DCBLD2: variants seen among roughly 807,000 people sequenced by gnomAD.
The protein encoded by DCBLD2 is discoidin, CUB and LCCL domain-containing protein 2.
Under a neutral mutation model 86.8 loss-of-function variants are expected in DCBLD2, and 54 were observed. That is an observed-to-expected ratio of 0.62 (90% CI 0.50 to 0.78). The LOEUF (loss-of-function observed/expected upper bound fraction) is 0.78. DCBLD2 is among the 30% of genes least tolerant of loss of function. The probability of loss-of-function intolerance (pLI) is 0.00; values close to 1 mark genes in which losing one functional copy is unlikely to be tolerated. For synonymous variants in DCBLD2, 354 were observed against 341.3 expected, an observed-to-expected ratio of 1.04 and a Z score of -0.41; for missense variants, 908 against 954.2, an observed-to-expected ratio of 0.95 and a Z score of 0.64.
chr3:98,814,172 C>T (rs562088586), intron 9 of DCBLD2: 3 of 152,162 alleles, frequency 2.0e-5, no homozygotes, highest in East Asian at 3.9e-4. Flanking sequence ...CTATAAATCT[C>T]GAAAGATGTG....
Position 98,811,496 on chromosome 3 carries a change from G to A in DCBLD2, c.1422C>T (p.Asn474=). Residue 474 remains asparagine, a synonymous_variant, in exon 11 of 16, where the codon AAC becomes AAT. Coordinates refer to ENST00000326840, the MANE Select transcript of DCBLD2 (RefSeq NM_080927.4). ...TGGCTATTTTTGGAGGGGCTGTAGT[G>A]TTTTTGAGGTCATTGCTGTTCCGAG... is the stretch of plus-strand genomic sequence containing the variant. The part of the protein sequence containing the change: ...PPPRNSNDLK[N]TTAPPKIAKG... 6.2e-7 allele frequency: 1 copy of A among 1,613,344 alleles called. No homozygotes were observed. The highest frequency in any genetic ancestry group is 8.5e-7 in the Non-Finnish European group (1 of 1,179,594).
chr3:98,866,301 G>C (rs558201647), intron 2 of DCBLD2, among the ~76,000 whole-genome samples: 2 of 152,236 alleles, frequency 1.3e-5, no homozygotes, highest in South Asian at 2.1e-4. Flanking sequence ...TTCCACAATG[G>C]TTGAACTAGT....
At position 98,822,198 on chromosome 3, in the gene DCBLD2, A is replaced by G. The variant is rs770354839; in HGVS notation, c.830+30T>C. On this transcript the variant is annotated intron_variant, in intron 6 of 15. Coordinates refer to ENST00000326840, the MANE Select transcript of DCBLD2 (RefSeq NM_080927.4). ...ACCCAGAATGCTAATTATATATAGCATATATTTTTTAAATTGCATATATAC... is the reference window on the plus strand; with the variant it reads ...ACCCAGAATGCTAATTATATATAGCGTATATTTTTTAAATTGCATATATAC... 11 of 1,611,886 alleles carry G rather than the reference A, an allele frequency of 6.8e-6. No homozygotes were observed. In the South Asian group the frequency reaches 1.2e-4, roughly 18 times the overall value.
In DCBLD2 at chr3:98,901,116, A is replaced by C; in HGVS notation, c.205+6T>G. Reference sequence around the variant, plus strand: ...CCCCGCCGCTCACTCCCCTGGGACCACTCACCTTGCTGGGCTCCAGCGTCC... The same window carrying C: ...CCCCGCCGCTCACTCCCCTGGGACCCCTCACCTTGCTGGGCTCCAGCGTCC... On this transcript the variant is annotated splice_donor_region_variant and intron_variant, in intron 1 of 15. Transcript: ENST00000326840. The C allele has an allele frequency of 6.5e-7, 1 of 1,539,514 alleles. No individual in the cohort carries two copies. Among genetic ancestry groups the C allele is most frequent in the South Asian group, 1.2e-5 (1 of 84,034 alleles).
intron 1 of DCBLD2, among the ~76,000 whole-genome samples, chr3:98,885,723 T>C (rs143389748): frequency 6.6e-6 from 1 of 152,014 alleles, no homozygotes; most frequent in East Asian, 1.9e-4. Flanking sequence ...AGAACTAAAA[T>C]TGGGAAAACA....
At chr3:98,803,075 A>G (rs1480865269) in intron 13 of DCBLD2, among the ~76,000 whole-genome samples, 4 of 152,042 alleles carry the variant, frequency 2.6e-5, no homozygotes, top group South Asian at 2.1e-4. Context: ...GTTTTTTCCA[A>G]TTTTGTGAAG....
Position 98,801,138 on chromosome 3 carries a change from C to G in DCBLD2, c.1721-422G>C, listed in dbSNP as rs1338406515. ...AAGTGAGAAACTGGTAGGGGGGCCC[C>G]TTTGGTGTCACTTGCAGCAATTCAG... On this transcript the variant is annotated intron_variant, in intron 14 of 15. Transcript: ENST00000326840. Among the ~76,000 whole-genome samples the G allele has an allele frequency of 3.3e-5, 5 of 152,292 alleles. No homozygotes were observed. The East Asian group carries it at 9.7e-4, about 29-fold the overall frequency.
Position 98,799,235 on chromosome 3 carries a change from T to G in DCBLD2, c.*137A>C. 2 of 911,312 alleles carry G rather than the reference T, an allele frequency of 2.2e-6. No homozygotes were observed. The highest frequency in any genetic ancestry group is 3.2e-6 in the Non-Finnish European group (2 of 616,492). 56.5% of individuals were successfully genotyped at this position (911,312 alleles called of 1,614,324 possible). A position where few individuals can be genotyped will look rare whatever the true frequency, so the allele number is the denominator to read the frequency against. On this transcript the variant is annotated 3_prime_UTR_variant, in exon 16 of 16. Coordinates refer to ENST00000326840, the MANE Select transcript of DCBLD2 (RefSeq NM_080927.4). The stretch of plus-strand genomic sequence containing the variant: ...CAAGATGGCAAGATTAGTAGTTTCC[T>G]GTACCTCAGTCACCACATTTTCCCC...
chr3:98,836,856 C>T (rs1942469976), intron 3 of DCBLD2, among the ~76,000 whole-genome samples: 2 of 63,680 alleles, frequency 3.1e-5, no homozygotes, highest in South Asian at 1.2e-3. Flanking sequence ...GACGGGGCGG[C>T]TGGCCGGGCG....
chr3:98,881,608 TC>T lies in DCBLD2; in HGVS notation c.364del (p.Asp122IlefsTer10), dbSNP rs765379332. The T allele has an allele frequency of 2.5e-6, 4 of 1,613,946 alleles. No individual in the cohort carries two copies. Among genetic ancestry groups the T allele is most frequent in the Non-Finnish European group, 3.4e-6 (4 of 1,179,882 alleles). Reference protein sequence around the residue: ...RIKFGDFDIEDSDSCHFNYLR... With the variant: ...RIKFGDFDIEXSDSCHFNYLR... The stretch of plus-strand genomic sequence containing the variant: ...GTAATTAAAGTGACAAGAATCAGAA[TC>T]TTCAATGTCAAAGTCACCAAATTTG... On this transcript the variant is annotated frameshift_variant, in exon 2 of 16. Transcript: ENST00000326840. LOFTEE classifies it high-confidence loss of function.
intron 1 of DCBLD2, among the ~76,000 whole-genome samples, chr3:98,883,166 T>C (rs1460058003): frequency 2.0e-5 from 3 of 152,158 alleles, no homozygotes; most frequent in African/African-American, 7.2e-5. Flanking sequence ...CATTCTCTAA[T>C]GACCAGTGAT....
chr3:98,857,489 T>G (rs756998153), intron 2 of DCBLD2, among the ~76,000 whole-genome samples: 16 of 152,132 alleles, frequency 1.1e-4, no homozygotes, highest in Non-Finnish European at 1.9e-4. Context: ...ACAGAGAGCT[T>G]ATTGGTCCGT....
chr3:98,886,059 T>C (rs1396031962), intron 1 of DCBLD2, among the ~76,000 whole-genome samples: 1 of 151,930 alleles, frequency 6.6e-6, no homozygotes, highest in African/African-American at 2.4e-5. Flanking sequence ...CTGGTTTAGC[T>C]CTTGGCTGGG....
At chr3:98,886,808 C>CTT (rs1559800589) in intron 1 of DCBLD2, among the ~76,000 whole-genome samples, 11 of 125,274 alleles carry the variant, frequency 8.8e-5, no homozygotes, top group Non-Finnish European at 1.7e-4. Flanking sequence ...AAACCCCCCC[C>CTT]CTTTTTTTTT....
At chr3:98,839,599 G>A (rs541580465) in intron 3 of DCBLD2, among the ~76,000 whole-genome samples, 2 of 152,138 alleles carry the variant, frequency 1.3e-5, no homozygotes, top group African/African-American at 4.8e-5. Context: ...AAAGAGCCAG[G>A]GCTGGCAGTT....
Position 98,901,592 on chromosome 3 carries a change from C to T in DCBLD2, c.-266G>A, listed in dbSNP as rs1317779829. ...AGCGGAGTCCTCGAGCCGCGGAGGA[C>T]GGCCGCGGCGGAGCTAAGGAACGTG... On this transcript the variant is annotated 5_prime_UTR_variant, in exon 1 of 16. Transcript: ENST00000326840. 3 of 294,286 alleles carry T rather than the reference C, an allele frequency of 1.0e-5. No homozygotes were observed. The highest frequency in any genetic ancestry group is 1.6e-4 in the South Asian group (1 of 6,246). 18.2% of individuals were successfully genotyped at this position (294,286 alleles called of 1,614,324 possible). A position where few individuals can be genotyped will look rare whatever the true frequency, so the allele number is the denominator to read the frequency against.
chr3:98,844,033 T>TGCAC (rs1942671399), intron 3 of DCBLD2, among the ~76,000 whole-genome samples: 1 of 17,460 alleles, frequency 5.7e-5, no homozygotes, highest in African/African-American at 1.3e-4. Flanking sequence ...CAATCATGCA[T>TGCAC]GCACACACAC....
intron 2 of DCBLD2, among the ~76,000 whole-genome samples, chr3:98,852,126 T>G (rs1209654113): frequency 6.6e-6 from 1 of 152,190 alleles, no homozygotes; most frequent in Non-Finnish European, 1.5e-5. Context: ...ATTCCCCTTC[T>G]CCCCAGCAGT....
At chr3:98,853,707 T>G (rs186491190) in intron 2 of DCBLD2, among the ~76,000 whole-genome samples, 3 of 152,360 alleles carry the variant, frequency 2.0e-5, no homozygotes, top group Non-Finnish European at 4.4e-5. Flanking sequence ...GGGGAGATAG[T>G]GCATCTGACT....
Sources: allele counts gnomAD v4.1 joint callset (sites outside exome capture counted in the v4.1 genomes callset), GRCh38; gene constraint gnomAD v4.1.1; transcripts MANE v1.5; gene names NCBI Gene and HGNC (gene_info 2026-07-23, HGNC 2026-07-21).